The following BNC2 variants were observed in gnomAD, a reference collection of about 807,000 sequenced individuals.
BNC2 encodes the protein basonuclin zinc finger protein 2.
Under a neutral mutation model 76.3 loss-of-function variants are expected in BNC2, and 20 were observed. That is an observed-to-expected ratio of 0.26 (90% CI 0.18 to 0.38). The LOEUF (loss-of-function observed/expected upper bound fraction) is 0.38. Ranked by LOEUF, BNC2 falls within the 10% of genes least tolerant of loss-of-function variation. The pLI, the probability that BNC2 is intolerant of heterozygous loss-of-function variation, is 1.00. For synonymous variants in BNC2, 582 were observed against 514.8 expected, an observed-to-expected ratio of 1.13 and a Z score of -1.77; for missense variants, 1,382 against 1,399.8, an observed-to-expected ratio of 0.99 and a Z score of 0.20.
In BNC2 at chr9:16,409,983, A is replaced by C. The variant is rs527796234; in HGVS notation, c.*9006T>G. 7.4e-4 allele frequency: 112 copies of C among 152,358 alleles called. No homozygotes were observed. The highest frequency in any genetic ancestry group is 2.6e-3 in the African/African-American group (110 of 41,568). The allele number at this position is 152,358 out of a possible 1,614,324, so 9.4% of individuals were successfully genotyped here. ...GAGGGAGAGGACATATCTTAGTGAA[A>C]ATTCCTTTTCTTCAAGATATTTCAA... On this transcript the variant is annotated 3_prime_UTR_variant, in exon 7 of 7. Coordinates refer to ENST00000380672, the MANE Select transcript of BNC2 (RefSeq NM_017637.6).
intron 3 of BNC2, among the ~76,000 whole-genome samples, chr9:16,617,441 G>C (rs1476094889): frequency 1.3e-5 from 2 of 151,048 alleles, no homozygotes; most frequent in Non-Finnish European, 2.9e-5. Context: ...GTTCAAAGTA[G>C]AGTTTCCTCA....
chr9:16,847,056 T>C (rs78301771), intron 1 of BNC2, among the ~76,000 whole-genome samples: 19,371 of 152,218 alleles, frequency 0.13, 2,371 homozygotes, highest in East Asian at 0.6. Context: ...CAATGTCAAG[T>C]TGCTGCATGG....
chr9:16,820,044 G>C (rs1033908912), intron 1 of BNC2, among the ~76,000 whole-genome samples: 3 of 147,508 alleles, frequency 2.0e-5, no homozygotes, highest in African/African-American at 7.6e-5. Context: ...AGAATCGCTT[G>C]TGCCCAGGAG....
At chr9:16,782,627 C>A (rs947951253) in intron 1 of BNC2, among the ~76,000 whole-genome samples, 1 of 152,246 alleles carries the variant, frequency 6.6e-6, no homozygotes, top group East Asian at 1.9e-4. Context: ...AGAGGTGTCA[C>A]TTCCTCCAGG....
At chr9:16,837,488 T>C (rs535563321) in intron 1 of BNC2, among the ~76,000 whole-genome samples, 2 of 151,940 alleles carry the variant, frequency 1.3e-5, no homozygotes, top group South Asian at 2.1e-4. Flanking sequence ...TGGGCGACAG[T>C]GCGAGACTCC....
At chr9:16,605,583 GT>G (rs1820361148) in intron 3 of BNC2, among the ~76,000 whole-genome samples, 1 of 152,128 alleles carries the variant, frequency 6.6e-6, no homozygotes, top group Non-Finnish European at 1.5e-5. Context: ...ACATAAAACT[GT>G]TTTCCACATT....
intron 1 of BNC2, among the ~76,000 whole-genome samples, chr9:16,742,557 T>G (rs1824882428): frequency 6.6e-6 from 1 of 152,146 alleles, no homozygotes; most frequent in African/African-American, 2.4e-5. Flanking sequence ...TAGCAGCCCC[T>G]ACAGCCTGCT....
intron 1 of BNC2, among the ~76,000 whole-genome samples, chr9:16,863,893 C>T (rs924729673): frequency 6.6e-6 from 1 of 152,008 alleles, no homozygotes; most frequent in African/African-American, 2.4e-5. Context: ...ATTTTATTTA[C>T]CCTCAGTAAA....
chr9:16,816,285 G>C lies in BNC2; in HGVS notation c.3+54361C>G, dbSNP rs958897971. On this transcript the variant is annotated intron_variant, in intron 1 of 6. Transcript: ENST00000380672. Reference sequence around the variant, plus strand: ...CCTCTTTTTAACCAGTGTTGATTCTGATGAACCCTCTTTCCTGATTTATGT... The same window carrying C: ...CCTCTTTTTAACCAGTGTTGATTCTCATGAACCCTCTTTCCTGATTTATGT... Among the ~76,000 whole-genome samples, 20 of 152,144 alleles carry C rather than the reference G, an allele frequency of 1.3e-4. 1 individual carries two copies. Among genetic ancestry groups the C allele is most frequent in the Non-Finnish European group, 2.9e-5 (2 of 68,042 alleles).
rs912862173 is a variant in BNC2 at position 16,643,309 on chromosome 9, A to G, written c.331-60224T>C. Reference sequence around the variant, plus strand: ...TGAAAGAGCAAGACTCTGTCTCAAAAAAAAAAAAAAAAATGAGGTACCAAA... The same window carrying G: ...TGAAAGAGCAAGACTCTGTCTCAAAGAAAAAAAAAAAAATGAGGTACCAAA... On this transcript the variant is annotated intron_variant, in intron 3 of 6. Coordinates refer to ENST00000380672, the MANE Select transcript of BNC2 (RefSeq NM_017637.6). 1.7e-3 allele frequency among the ~76,000 whole-genome samples: 256 copies of G among 151,282 alleles called. 1 individual carries two copies. The highest frequency in any genetic ancestry group is 5.8e-3 in the African/African-American group (241 of 41,338).
At chr9:16,699,023 T>C (rs1043795939) in intron 3 of BNC2, among the ~76,000 whole-genome samples, 7 of 152,258 alleles carry the variant, frequency 4.6e-5, no homozygotes, top group African/African-American at 7.2e-5. Flanking sequence ...CTTTAGATTC[T>C]ACATTTTATA....
At chr9:16,419,840 G>A (rs1347950047) in intron 6 of BNC2, among the ~76,000 whole-genome samples, 191 bp from the exon 7 acceptor site, 1 of 152,120 alleles carries the variant, frequency 6.6e-6, no homozygotes, top group Non-Finnish European at 1.5e-5. Context: ...GGTGGTGAGA[G>A]GTGCAATCAG....
chr9:16,573,293 T>G (rs1392397686), intron 4 of BNC2, among the ~76,000 whole-genome samples: 1 of 151,930 alleles, frequency 6.6e-6, no homozygotes, highest in East Asian at 1.9e-4. Context: ...ATTTTAATTT[T>G]TCTAGTTTCA....
chr9:16,518,543 T>C (rs114232319), intron 5 of BNC2, among the ~76,000 whole-genome samples: 1,621 of 152,296 alleles, frequency 0.011, 29 homozygotes, highest in African/African-American at 0.037. Flanking sequence ...ACATGAGATT[T>C]GGGATGTACA....
chr9:16,714,007 G>C (rs975194379), intron 3 of BNC2, among the ~76,000 whole-genome samples: 1 of 152,220 alleles, frequency 6.6e-6, no homozygotes, highest in Non-Finnish European at 1.5e-5. Flanking sequence ...CTGGGCGGGA[G>C]AGGTGGATGC....
intron 5 of BNC2, among the ~76,000 whole-genome samples, chr9:16,515,175 A>G (rs1822848517): frequency 6.6e-6 from 1 of 152,212 alleles, no homozygotes; most frequent in African/African-American, 2.4e-5. Flanking sequence ...TGCATGGAGC[A>G]GAGCATGGAG....
At chr9:16,748,166 G>A (rs1256277034) in intron 1 of BNC2, among the ~76,000 whole-genome samples, 1 of 152,120 alleles carries the variant, frequency 6.6e-6, no homozygotes, top group South Asian at 2.1e-4. Flanking sequence ...AACTGAGGAG[G>A]TAACAAATAC....
chr9:16,779,130 A>AAAAAAAAAAAAAAAAAAAAAG (rs556932807), intron 1 of BNC2, among the ~76,000 whole-genome samples: 17 of 87,612 alleles, frequency 1.9e-4, no homozygotes, highest in East Asian at 1.0e-3. Flanking sequence ...AAAAAAAAAA[A>AAAAAAAAAAAAAAAAAAAAAG]AAAAGAAAAG....
At chr9:16,539,750 GAAGGAAAGGAAAGGAAAAGAAAGGA>G (rs1332905545) in intron 5 of BNC2, among the ~76,000 whole-genome samples, 1,004 of 84,836 alleles carry the variant, frequency 0.012, 36 homozygotes, top group African/African-American at 0.051. Flanking sequence ...GAAGGGAAGG[GAAGGAAAGGAAAGGAAAAGAAAGGA>G]AAGGAAAGGA....
Sources: gnomAD v4.1 joint callset for allele counts (sites outside exome capture counted in the v4.1 genomes callset) on GRCh38, gnomAD v4.1.1 for gene constraint, MANE v1.5 for transcripts, NCBI Gene and HGNC (gene_info 2026-07-23, HGNC 2026-07-21) for gene names.